RBFOX1: variants seen among roughly 807,000 people sequenced by gnomAD.
The protein encoded by RBFOX1 is RNA binding fox-1 homolog 1.
Under a neutral mutation model 57.7 loss-of-function variants are expected in RBFOX1, and 8 were observed. That is an observed-to-expected ratio of 0.14 (90% CI 0.08 to 0.25). The LOEUF is 0.25. Ranked by LOEUF, RBFOX1 falls within the 10% of genes least tolerant of loss-of-function variation. RBFOX1 has a pLI of 1.00. For synonymous variants in RBFOX1, 326 were observed against 222.4 expected (o/e 1.47, Z -4.15); for missense variants, 611 against 548.5 (o/e 1.11, Z -1.14).
chr16:7,018,838 G>A (rs1000075015), intron 3 of RBFOX1, among the ~76,000 whole-genome samples: 1 of 151,924 alleles, frequency 6.6e-6, no homozygotes, highest in African/African-American at 2.4e-5. Context: ...CCCACTCTAG[G>A]CCAGGTGCAG....
rs368645749 is a variant in RBFOX1 at position 5,440,276 on chromosome 16, C to A, written c.220-26940C>A. Among the ~76,000 whole-genome samples the A allele has an allele frequency of 1.2e-4, 19 of 152,306 alleles. No homozygotes were observed. The East Asian group carries it at 3.5e-3, about 28-fold the overall frequency. On this transcript the variant is annotated intron_variant, in intron 1 of 2. Coordinates refer to the RBFOX1 transcript ENST00000585867. ...GATATCGTTCCAGGTACAAAATCTC[C>A]TTCCAATTATATATTCACATCCAAG...
chr16:6,429,315 C>A (rs1198347805), intron 2 of RBFOX1, among the ~76,000 whole-genome samples: 1 of 152,248 alleles, frequency 6.6e-6, no homozygotes, highest in African/African-American at 2.4e-5. Context: ...TGCCAGCTCC[C>A]CACCACTGCT....
intron 4 of RBFOX1, among the ~76,000 whole-genome samples, chr16:7,319,062 A>G (rs1009450772): frequency 3.9e-5 from 6 of 152,160 alleles, no homozygotes; most frequent in South Asian, 2.1e-4. Context: ...TCCAGTGCCA[A>G]TTTTTTTCTT....
At chr16:7,247,541 A>G (rs1016589159) in intron 4 of RBFOX1, among the ~76,000 whole-genome samples, 3 of 152,342 alleles carry the variant, frequency 2.0e-5, no homozygotes, top group East Asian at 1.9e-4. Context: ...GCCTGCCACA[A>G]TAATATGAAA....
At chr16:7,162,774 C>A (rs1036018726) in intron 4 of RBFOX1, among the ~76,000 whole-genome samples, 5 of 151,986 alleles carry the variant, frequency 3.3e-5, no homozygotes, top group African/African-American at 1.2e-4. Context: ...AAATACAAGG[C>A]AAATTGAAAA....
Position 6,438,180 on chromosome 16 carries a change from G to A in RBFOX1, c.-64+121123G>A, listed in dbSNP as rs12599970. ...TTGGAAAGAAATGTTTAAAAAGACC[G>A]TACAATGTAATAATTACTAATTACT... is the stretch of plus-strand genomic sequence containing the variant. On this transcript the variant is annotated intron_variant, in intron 2 of 15. Transcript: ENST00000550418. 1.5e-3 allele frequency among the ~76,000 whole-genome samples: 229 copies of A among 152,294 alleles called. 1 individual carries two copies. In the East Asian group the frequency reaches 0.03, roughly 20 times the overall value.
Position 5,281,133 on chromosome 16 carries a change from T to G in RBFOX1, c.219+41028T>G, listed in dbSNP as rs189454775. On this transcript the variant is annotated intron_variant, in intron 1 of 2. Coordinates refer to the RBFOX1 transcript ENST00000585867. ...TGCCATAGGTTTTGCATGATGTGTT[T>G]CCATTTTCTGTTTAAAAAATTTTTT... Among the ~76,000 whole-genome samples the G allele has an allele frequency of 5.3e-5, 8 of 152,290 alleles. No homozygotes were observed. In the East Asian group the frequency reaches 1.3e-3, roughly 26 times the overall value.
Position 6,699,526 on chromosome 16 carries a change from C to T in RBFOX1, c.-16+44876C>T, listed in dbSNP as rs1022103051. ...TATAATGTGTCCAGTGACCTATCAACGCTGACTGGTTGGGCACTCCAGTAA... is the reference window on the plus strand; with the variant it reads ...TATAATGTGTCCAGTGACCTATCAATGCTGACTGGTTGGGCACTCCAGTAA... On this transcript the variant is annotated intron_variant, in intron 3 of 15. Coordinates refer to ENST00000550418, the MANE Select transcript of RBFOX1 (RefSeq NM_018723.4). Among the ~76,000 whole-genome samples, 8 of 152,302 alleles carry T rather than the reference C, an allele frequency of 5.3e-5. No individual in the cohort carries two copies. In the South Asian group the frequency reaches 6.2e-4, roughly 12 times the overall value.
intron 2 of RBFOX1, among the ~76,000 whole-genome samples, chr16:5,577,512 C>G (rs1467816195): frequency 2.0e-5 from 3 of 152,132 alleles, no homozygotes; most frequent in Non-Finnish European, 4.4e-5. Flanking sequence ...CATCCTTATC[C>G]CCAGAATGAA....
At position 6,368,075 on chromosome 16, in the gene RBFOX1, G is replaced by C. The variant is rs76621152; in HGVS notation, c.-64+51018G>C. On this transcript the variant is annotated intron_variant, in intron 2 of 15. Coordinates refer to ENST00000550418, the MANE Select transcript of RBFOX1 (RefSeq NM_018723.4). ...CACCCCCTCACACAGGCTCTCTGAA[G>C]TTGTTTCCGTCATTTTGTACCCTTC... Among the ~76,000 whole-genome samples the C allele has an allele frequency of 1.4e-3, 206 of 152,290 alleles. 1 individual carries two copies. Among genetic ancestry groups the C allele is most frequent in the African/African-American group, 4.6e-3 (190 of 41,572 alleles).
At chr16:7,416,852 C>T (rs57551025) in intron 4 of RBFOX1, among the ~76,000 whole-genome samples, 1 of 152,014 alleles carries the variant, frequency 6.6e-6, no homozygotes, top group Non-Finnish European at 1.5e-5. Context: ...GCACGTAACA[C>T]ATATTATCTC....
intron 3 of RBFOX1, among the ~76,000 whole-genome samples, chr16:6,870,210 C>T (rs368968502): frequency 2.6e-5 from 4 of 152,082 alleles, no homozygotes; most frequent in Admixed American, 6.6e-5. Flanking sequence ...TAGAATTTTG[C>T]AGGCAGAGCC....
intron 2 of RBFOX1, among the ~76,000 whole-genome samples, chr16:6,453,665 C>G (rs1165478353): frequency 1.3e-5 from 2 of 152,050 alleles, no homozygotes; most frequent in African/African-American, 4.8e-5. Flanking sequence ...AAGAGGGACT[C>G]CTCCGTAACT....
chr16:6,584,651 G>A (rs1290979709), intron 2 of RBFOX1, among the ~76,000 whole-genome samples: 4 of 151,982 alleles, frequency 2.6e-5, no homozygotes, highest in Admixed American at 2.0e-4. Context: ...TTACAGGCAT[G>A]AGCCACCATG....
At chr16:5,251,425 T>C (rs1318774391) in intron 1 of RBFOX1, among the ~76,000 whole-genome samples, 1 of 152,180 alleles carries the variant, frequency 6.6e-6, no homozygotes, top group Non-Finnish European at 1.5e-5. Context: ...TTGACTGTCA[T>C]TGCTAGACTG....
intron 4 of RBFOX1, among the ~76,000 whole-genome samples, chr16:5,890,527 T>C (rs1386488401): frequency 6.6e-6 from 1 of 151,870 alleles, no homozygotes; most frequent in Admixed American, 6.6e-5. Context: ...TGAAATTTTG[T>C]CTCTACTGAA....
intron 3 of RBFOX1, among the ~76,000 whole-genome samples, chr16:5,854,569 CACAA>C (rs2056977836): frequency 7.4e-6 from 1 of 135,260 alleles, no homozygotes; most frequent in Admixed American, 7.7e-5. Context: ...CCCCCCCACA[CACAA>C]GCACACATTC....
rs78326746 is a variant in RBFOX1, at chr16:6,317,530, C to G, written c.-64+473C>G. On this transcript the variant is annotated intron_variant, in intron 2 of 15. Transcript: ENST00000550418. ...TTGAGCTGGAATACATGACTATGAT[C>G]TGAAAATTACTGCAAAAAAAAAAGA... Among the ~76,000 whole-genome samples, 1,198 of 134,216 alleles carry G rather than the reference C, an allele frequency of 8.9e-3. 12 individuals carry two copies. The highest frequency in any genetic ancestry group is 0.023 in the South Asian group (90 of 3,882). The allele number at this position is 134,216 out of a possible 152,430, so 88.1% of individuals were successfully genotyped here.
At chr16:6,324,704 A>C (rs555574827) in intron 2 of RBFOX1, among the ~76,000 whole-genome samples, 1 of 152,348 alleles carries the variant, frequency 6.6e-6, no homozygotes, top group South Asian at 2.1e-4. Flanking sequence ...ACCGTTCAAC[A>C]TGAGATTTGG....
Sources: gnomAD v4.1 joint callset for allele counts (sites outside exome capture counted in the v4.1 genomes callset) on GRCh38, gnomAD v4.1.1 for gene constraint, MANE v1.5 for transcripts, NCBI Gene and HGNC (gene_info 2026-07-23, HGNC 2026-07-21) for gene names.